CRTAC1: variants seen among roughly 807,000 people sequenced by gnomAD.
CRTAC1 encodes the protein cartilage acidic protein 1, also known as acidic secreted protein in cartilage.
In CRTAC1, 37 loss-of-function variants were observed where a neutral mutation model predicts 67.8. The ratio of observed to expected loss-of-function variants is 0.55; its 90% CI spans 0.42 to 0.72. The LOEUF (loss-of-function observed/expected upper bound fraction) is 0.72. CRTAC1 is among the 30% of genes least tolerant of loss of function. CRTAC1 has a pLI of 0.00. For synonymous variants in CRTAC1, 348 were observed against 371.0 expected (o/e 0.94, Z 0.71); for missense variants, 780 against 931.6 (o/e 0.84, Z 2.12).
chr10:97,976,465 TA>T (rs2051805258), intron 2 of CRTAC1, among the ~76,000 whole-genome samples: 1 of 152,158 alleles, frequency 6.6e-6, no homozygotes, highest in Admixed American at 6.5e-5. Flanking sequence ...CTCATGGGGT[TA>T]AAGTGGGAAT....
At chr10:97,923,447 C>A in intron 3 of CRTAC1, 47 bp from the exon 4 acceptor site, 1 of 1,612,302 alleles carries the variant, frequency 6.2e-7, no homozygotes, top group Non-Finnish European at 8.5e-7. Context: ...GGATCAGGGT[C>A]TTGGTTCTGA....
At chr10:98,023,913 CACCA>C (rs1219188898) in intron 1 of CRTAC1, among the ~76,000 whole-genome samples, 2 of 152,242 alleles carry the variant, frequency 1.3e-5, no homozygotes, top group Non-Finnish European at 2.9e-5. Context: ...ATGTGAAAAA[CACCA>C]ACCAAGGCTG....
intron 2 of CRTAC1, among the ~76,000 whole-genome samples, chr10:97,966,994 C>G (rs1590246258): frequency 3.1e-4 from 1 of 3,182 alleles, no homozygotes; most frequent in African/African-American, 3.3e-4. Flanking sequence ...TGTAAAGTCA[C>G]CCCCCCCCCC....
chr10:97,890,240 CTGAG>C (rs2050349496), intron 11 of CRTAC1, among the ~76,000 whole-genome samples: 1 of 152,064 alleles, frequency 6.6e-6, no homozygotes, highest in Non-Finnish European at 1.5e-5. Context: ...CCTCATCCTC[CTGAG>C]TAACTGGGAC....
rs115650944 is a variant in CRTAC1 at position 97,865,959 on chromosome 10, G to C, written c.1820-245C>G. ...CGATGGGGCTGGTCTGGGCCACACA[G>C]AGACAGATCTTCCTAGGAAGGCTGG... is the stretch of plus-strand genomic sequence containing the variant. On this transcript the variant is annotated intron_variant, in intron 14 of 14. Transcript: ENST00000370597. 1,632 of 503,190 alleles carry C rather than the reference G, an allele frequency of 3.2e-3. 29 individuals are homozygous for C. Among genetic ancestry groups the C allele is most frequent in the African/African-American group, 0.026 (1,333 of 52,180 alleles). 31.2% of individuals were successfully genotyped at this position (503,190 alleles called of 1,614,324 possible).
At chr10:97,920,548 C>T (rs556274432) in intron 4 of CRTAC1, among the ~76,000 whole-genome samples, 48 of 152,218 alleles carry the variant, frequency 3.2e-4, no homozygotes, top group South Asian at 1.9e-3. Flanking sequence ...TTCTGACCAA[C>T]AGGTCTGGCG....
rs2050635211 is a variant in CRTAC1, at chr10:97,907,891, T to A, written c.850+122A>T. 20 of 1,049,980 alleles carry A rather than the reference T, an allele frequency of 1.9e-5. No homozygotes were observed. In the South Asian group the frequency reaches 3.2e-4, roughly 17 times the overall value. 65.0% of individuals were successfully genotyped at this position (1,049,980 alleles called of 1,614,324 possible). On this transcript the variant is annotated intron_variant, in intron 6 of 14. Coordinates refer to ENST00000370597, the MANE Select transcript of CRTAC1 (RefSeq NM_018058.7). ...GCGTTTCTCTGTGTGGTGCAGACGA[T>A]GACTTGCCCTGCTCTCCCTCAGCCA...
At chr10:97,989,803 T>C (rs536816942) in intron 2 of CRTAC1, among the ~76,000 whole-genome samples, 80 of 152,360 alleles carry the variant, frequency 5.3e-4, no homozygotes, top group South Asian at 8.3e-4. Context: ...GTCCCACAGC[T>C]AGGAAGGGAA....
At chr10:97,877,701 T>TATCA (rs1337331979) in intron 14 of CRTAC1, among the ~76,000 whole-genome samples, 4 of 152,206 alleles carry the variant, frequency 2.6e-5, no homozygotes, top group African/African-American at 9.7e-5. Context: ...GTGGTGCTCT[T>TATCA]ATCAGCTGTG....
chr10:97,901,157 C>G (rs936410479), intron 8 of CRTAC1, among the ~76,000 whole-genome samples: 7 of 151,926 alleles, frequency 4.6e-5, no homozygotes, highest in African/African-American at 1.7e-4. Context: ...CCCGTAGCCC[C>G]TTTTCCTGGT....
intron 11 of CRTAC1, among the ~76,000 whole-genome samples, chr10:97,891,926 G>A (rs1247859348): frequency 6.6e-6 from 1 of 152,250 alleles, no homozygotes; most frequent in Non-Finnish European, 1.5e-5. Flanking sequence ...CCCTAGAGCA[G>A]CCTGCCTTCT....
intron 2 of CRTAC1, among the ~76,000 whole-genome samples, chr10:97,956,401 C>T (rs577347635): frequency 2.0e-5 from 3 of 152,274 alleles, no homozygotes; most frequent in Admixed American, 6.5e-5. Flanking sequence ...CTGGGACTTG[C>T]GTGAGCCCCT....
Position 98,026,338 on chromosome 10 carries a change from T to C in CRTAC1, c.24+4111A>G, listed in dbSNP as rs1363228884. 3.3e-5 allele frequency among the ~76,000 whole-genome samples: 5 copies of C among 152,156 alleles called. 1 individual carries two copies. The highest frequency in any genetic ancestry group is 7.4e-5 in the Non-Finnish European group (5 of 68,018). On this transcript the variant is annotated intron_variant, in intron 1 of 14. Transcript: ENST00000370597. Reference sequence around the variant, plus strand: ...AGAGGGGGAAGGGTCAGCCATCTGGTGGGGCTCATAAAAGCCCCACTGGAC... The same window carrying C: ...AGAGGGGGAAGGGTCAGCCATCTGGCGGGGCTCATAAAAGCCCCACTGGAC...
At chr10:97,930,048 C>T (rs551512235) in intron 3 of CRTAC1, among the ~76,000 whole-genome samples, 9 of 152,318 alleles carry the variant, frequency 5.9e-5, no homozygotes, top group South Asian at 4.1e-4. Flanking sequence ...GATCAGCTCC[C>T]GCCAGGCACT....
At chr10:97,879,865 T>TGGGGGTGGGGGGGGGGGGGGGGGG in intron 14 of CRTAC1, 1 of 226,630 alleles carries the variant, frequency 4.4e-6, no homozygotes, top group Non-Finnish European at 8.7e-6. Context: ...GGGGACGGGG[T>TGGGGGTGGGGGGGGGGGGGGGGGG]GGGGGTGGAG....
intron 4 of CRTAC1, among the ~76,000 whole-genome samples, chr10:97,919,464 G>A (rs1341716526): frequency 6.6e-6 from 1 of 152,184 alleles, no homozygotes; most frequent in Non-Finnish European, 1.5e-5. Flanking sequence ...TAAAATGCAA[G>A]GCAGAGAGTG....
intron 4 of CRTAC1, among the ~76,000 whole-genome samples, chr10:97,923,055 C>T (rs2050862821): frequency 6.6e-6 from 1 of 152,218 alleles, no homozygotes; most frequent in Admixed American, 6.5e-5. Context: ...GGCTGGCTTC[C>T]TCACTGGTTT....
At chr10:97,991,745 G>A (rs545745723) in intron 2 of CRTAC1, among the ~76,000 whole-genome samples, 5 of 152,230 alleles carry the variant, frequency 3.3e-5, no homozygotes, top group South Asian at 2.1e-4. Flanking sequence ...GCTCTCCAGC[G>A]TTTTGAACCA....
chr10:97,971,051 T>G (rs2051703427), intron 2 of CRTAC1, among the ~76,000 whole-genome samples: 1 of 152,254 alleles, frequency 6.6e-6, no homozygotes, highest in South Asian at 2.1e-4. Context: ...GCTACATCGC[T>G]AGTATCAAAG....
Sources: allele counts gnomAD v4.1 joint callset (sites outside exome capture counted in the v4.1 genomes callset), GRCh38; gene constraint gnomAD v4.1.1; transcripts MANE v1.5; gene names NCBI Gene and HGNC (gene_info 2026-07-23, HGNC 2026-07-21).